The following PRPF31 variants were observed in gnomAD, a reference collection of about 807,000 sequenced individuals.
The protein encoded by PRPF31 is pre-mRNA processing factor 31.
A neutral mutation model predicts 60.4 loss-of-function variants in PRPF31; 12 were observed. The ratio of observed to expected loss-of-function variants is 0.20; its 90% CI spans 0.13 to 0.32. The LOEUF (loss-of-function observed/expected upper bound fraction) is 0.32, where lower values mean the gene tolerates loss of function less well. PRPF31 is among the 10% of genes least tolerant of loss of function. The pLI, the probability that PRPF31 is intolerant of heterozygous loss-of-function variation, is 1.00. For synonymous variants in PRPF31, 287 were observed against 287.9 expected (o/e 1.00, Z 0.03); for missense variants, 431 against 687.1 (o/e 0.63, Z 4.17).
In PRPF31 at chr19:54,126,534, C is replaced by A. The variant is rs376236959; in HGVS notation, c.862C>A (p.Arg288=). The A allele has an allele frequency of 3.6e-5, 58 of 1,612,892 alleles. No individual in the cohort carries two copies. The highest frequency in any genetic ancestry group is 4.7e-5 in the Non-Finnish European group (56 of 1,179,606). Reference sequence around the variant, plus strand: ...CCGTTTTCCGTTGCTCCAGGATCTGCGGCGGAAAGCGGCCCGGCTGGTGGC... The same window carrying A: ...CCGTTTTCCGTTGCTCCAGGATCTGAGGCGGAAAGCGGCCCGGCTGGTGGC... ...DIVQSLPPDL[R]RKAARLVAAK... is the part of the protein sequence containing the mutation. Residue 288 remains arginine (R), a synonymous_variant, in exon 9 of 14, where the codon CGG becomes AGG. Coordinates refer to ENST00000321030, the MANE Select transcript of PRPF31 (RefSeq NM_015629.4).
chr19:54,124,055 C>A, intron 7 of PRPF31, 137 bp downstream of exon 7: 1 of 1,490,182 alleles, frequency 6.7e-7, no homozygotes, highest in South Asian at 1.3e-5. Context: ...TCACAGAGGT[C>A]AGCCAGCCTG....
chr19:54,125,777 C>T lies in PRPF31; in HGVS notation c.856-751C>T, dbSNP rs1378667897. 3.3e-5 allele frequency among the ~76,000 whole-genome samples: 5 copies of T among 152,294 alleles called. No homozygotes were observed. The East Asian group carries it at 9.7e-4, about 29-fold the overall frequency. ...CACCCAGGGAGGCTGGCAGGTCACC[C>T]CATCCTGGGAGGAGAGAGAGTGGGC... On this transcript the variant is annotated intron_variant, in intron 8 of 13. Transcript: ENST00000321030.
intron 13 of PRPF31, 118 bp from the exon 14 acceptor site, chr19:54,131,189 C>T: frequency 7.0e-7 from 1 of 1,427,592 alleles, no homozygotes. Flanking sequence ...GACAGGCAAA[C>T]TGTCTCATGC....
In PRPF31 at chr19:54,126,531, C is replaced by T. The variant is rs975526285; in HGVS notation, c.859C>T (p.Leu287=). The T allele has an allele frequency of 1.2e-6, 2 of 1,613,136 alleles. No homozygotes were observed. The highest frequency in any genetic ancestry group is 1.7e-5 in the Admixed American group (1 of 59,900). The part of the protein sequence containing the change: ...SDIVQSLPPD[L]RRKAARLVAA... ...CCCCCGTTTTCCGTTGCTCCAGGAT[C>T]TGCGGCGGAAAGCGGCCCGGCTGGT... The change falls in exon 9 of 14, where the codon CTG becomes TTG. Residue 287 remains leucine, a synonymous_variant. Transcript: ENST00000321030.
intron 5 of PRPF31, 151 bp downstream of exon 5, chr19:54,122,745 C>T (rs1233654598): frequency 2.0e-5 from 15 of 736,634 alleles, no homozygotes; most frequent in East Asian, 7.9e-5. Flanking sequence ...GTGGGAGGGA[C>T]GGAGCCTGGA....
At chr19:54,123,979 G>A (rs1027019760) in intron 7 of PRPF31, 61 bp downstream of exon 7, 5 of 1,605,178 alleles carry the variant, frequency 3.1e-6, no homozygotes, top group East Asian at 4.5e-5. Flanking sequence ...CCTTGGGAAA[G>A]CTACATCCTT....
intron 8 of PRPF31, chr19:54,125,139 C>G (rs2073889314): frequency 4.4e-6 from 1 of 228,034 alleles, no homozygotes; most frequent in African/African-American, 2.3e-5. Context: ...CTTCCCGGGT[C>G]CTCTCCCTGC....
intron 8 of PRPF31, chr19:54,125,146 C>G (rs1239748313): frequency 1.8e-5 from 4 of 226,420 alleles, no homozygotes; most frequent in Non-Finnish European, 3.6e-5. Flanking sequence ...GGTCCTCTCC[C>G]TGCAGTCGGG....
intron 13 of PRPF31, 53 bp from the exon 14 acceptor site, chr19:54,131,254 G>A: frequency 6.2e-7 from 1 of 1,609,908 alleles, no homozygotes; most frequent in Non-Finnish European, 8.5e-7. Flanking sequence ...ATGGGTCACA[G>A]TTGGGGCCTT....
intron 8 of PRPF31, 98 bp from the exon 9 acceptor site, chr19:54,126,430 C>T: frequency 8.6e-7 from 1 of 1,163,604 alleles, no homozygotes; most frequent in Non-Finnish European, 1.3e-6. Flanking sequence ...CTTCCAGGAC[C>T]CCAGGTAGAG....
At position 54,123,836 on chromosome 19, in the gene PRPF31, C is replaced by G. The variant is rs144738703; in HGVS notation, c.615C>G (p.Tyr205Ter). 6.2e-7 allele frequency: 1 copy of G among 1,613,924 alleles called. No homozygotes were observed. The highest frequency in any genetic ancestry group is 8.5e-7 in the Non-Finnish European group (1 of 1,180,020). ...LELNASKHRI[Y>*]EYVESRMSFI... ...TGAACGCCTCCAAGCACCGCATCTA[C>G]GAGTATGTGGAGTCCCGGATGTCCT... The change falls in exon 7 of 14, where the codon TAC (tyrosine) becomes TAG (stop). Residue 205 changes from tyrosine (Y) to a stop codon, truncating the protein, a stop_gained. Transcript: ENST00000321030. LOFTEE classifies it high-confidence loss of function.
intron 6 of PRPF31, 46 bp from the exon 7 acceptor site, chr19:54,123,703 C>T (rs1420137657): frequency 1.9e-6 from 3 of 1,593,838 alleles, no homozygotes; most frequent in Non-Finnish European, 2.6e-6. Flanking sequence ...CTGGGCACAC[C>T]AGGCAGGCGG....
In PRPF31 at chr19:54,122,361, G is replaced by A. The variant is rs587731302; in HGVS notation, c.323-136G>A. 1.9e-5 allele frequency: 15 copies of A among 787,616 alleles called. No homozygotes were observed. In the African/African-American group the frequency reaches 2.0e-4, roughly 11 times the overall value. 48.8% of individuals were successfully genotyped at this position (787,616 alleles called of 1,614,324 possible). A position where few individuals can be genotyped will look rare whatever the true frequency, so the allele number is the denominator to read the frequency against. ...GCGGTAAGGACGGCTGAGAAAGGCT[G>A]TATGCTGGTGCCCGTGTGCCAGGCC... On this transcript the variant is annotated intron_variant, in intron 4 of 13. Coordinates refer to ENST00000321030, the MANE Select transcript of PRPF31 (RefSeq NM_015629.4).
intron 13 of PRPF31, among the ~76,000 whole-genome samples, chr19:54,129,665 C>A (rs2074007483): frequency 7.3e-6 from 1 of 136,790 alleles, no homozygotes. Flanking sequence ...CACTGCTCAG[C>A]CTCCAGGCCC....
intron 3 of PRPF31, among the ~76,000 whole-genome samples, 183 bp from the exon 4 acceptor site, chr19:54,121,677 G>C (rs4359560): frequency 6.6e-6 from 1 of 152,164 alleles, no homozygotes; most frequent in African/African-American, 2.4e-5. Flanking sequence ...GGTGTGGAGG[G>C]AGAGGGATTG....
chr19:54,121,852 C>A lies in PRPF31; in HGVS notation c.239-8C>A, dbSNP rs1568586572. 4.4e-6 allele frequency: 7 copies of A among 1,607,956 alleles called. No individual in the cohort carries two copies. The highest frequency in any genetic ancestry group is 3.3e-4 in the Middle Eastern group (2 of 6,080). The stretch of plus-strand genomic sequence containing the variant: ...GATACTCACACCCATGCCTCCGTGT[C>A]CTCACAGTGATGGGACCAGTGGAGG... On this transcript the variant is annotated splice_polypyrimidine_tract_variant and splice_region_variant and intron_variant, in intron 3 of 13. Coordinates refer to ENST00000321030, the MANE Select transcript of PRPF31 (RefSeq NM_015629.4).
chr19:54,129,386 C>T lies in PRPF31; in HGVS notation c.1374+16C>T, dbSNP rs756287563. On this transcript the variant is annotated intron_variant, in intron 13 of 13. Coordinates refer to ENST00000321030, the MANE Select transcript of PRPF31 (RefSeq NM_015629.4). ...CCCACTCCAGGTACCTCCCCTGGGC[C>T]GGCTCTGTCCCCAGCCCTGAGACCT... 2.2e-5 allele frequency: 34 copies of T among 1,576,438 alleles called. No individual in the cohort carries two copies. Among genetic ancestry groups the T allele is most frequent in the South Asian group, 6.9e-5 (6 of 86,528 alleles).
At chr19:54,124,088 T>C in intron 7 of PRPF31, 170 bp downstream of exon 7, 1 of 1,356,690 alleles carries the variant, frequency 7.4e-7, no homozygotes, top group East Asian at 2.5e-5. Context: ...GCCTCATCTG[T>C]GGGAAAAACA....
Position 54,131,498 on chromosome 19 carries a change from C to G in PRPF31, c.*66C>G. On this transcript the variant is annotated 3_prime_UTR_variant, in exon 14 of 14. Coordinates refer to ENST00000321030, the MANE Select transcript of PRPF31 (RefSeq NM_015629.4). ...ACAGAGGTCCAGTCCTTCTGAAGGG[C>G]TAGGATCGGGTTCTGGCAGGGAGAA... The G allele has an allele frequency of 1.3e-6, 2 of 1,590,172 alleles. No homozygotes were observed. The highest frequency in any genetic ancestry group is 1.7e-6 in the Non-Finnish European group (2 of 1,167,480).
Sources: allele counts gnomAD v4.1 joint callset (sites outside exome capture counted in the v4.1 genomes callset), GRCh38; gene constraint gnomAD v4.1.1; transcripts MANE v1.5; gene names NCBI Gene and HGNC (gene_info 2026-07-23, HGNC 2026-07-21).